RFX3: variants seen among roughly 807,000 people sequenced by gnomAD.
The protein encoded by RFX3 is regulatory factor X3.
Under a neutral mutation model 98.6 loss-of-function variants are expected in RFX3, and 14 were observed. The observed-to-expected ratio is 0.14, with a 90% CI of 0.09 to 0.22. RFX3 has a LOEUF of 0.22. RFX3 is among the 10% of genes least tolerant of loss of function. The probability of loss-of-function intolerance (pLI) is 1.00; values close to 1 mark genes in which losing one functional copy is unlikely to be tolerated. For synonymous variants in RFX3, 383 were observed against 328.4 expected, an observed-to-expected ratio of 1.17 and a Z score of -1.80; for missense variants, 639 against 926.9, an observed-to-expected ratio of 0.69 and a Z score of 4.03.
chr9:3,298,516 C>T lies in RFX3; in HGVS notation c.549+3030G>A, dbSNP rs373180319. ...TATTTAGTGAGTATCTACTATGTAC[C>T]AGGCACTGTTCTAGGCACTAGGGAT... On this transcript the variant is annotated intron_variant, in intron 5 of 16. Transcript: ENST00000617270. 4.0e-5 allele frequency among the ~76,000 whole-genome samples: 6 copies of T among 151,692 alleles called. No homozygotes were observed. The South Asian group carries it at 1.2e-3, about 32-fold the overall frequency.
chr9:3,360,999 C>T (rs1836358218), intron 2 of RFX3, among the ~76,000 whole-genome samples: 1 of 152,148 alleles, frequency 6.6e-6, no homozygotes, highest in South Asian at 2.1e-4. Context: ...AAGAGCATTT[C>T]TTACACATTT....
In RFX3 at chr9:3,446,046, C is replaced by G. The variant is rs185419815; in HGVS notation, c.-8-50450G>C. Among the ~76,000 whole-genome samples the G allele has an allele frequency of 3.8e-3, 572 of 152,154 alleles. 1 individual carries two copies. Among genetic ancestry groups the G allele is most frequent in the African/African-American group, 0.012 (510 of 41,510 alleles). ...TTTGTTTCCTGCAAAAACATCTCCT[C>G]AAAGACAGTTACTCATCCCTGTATC... On this transcript the variant is annotated intron_variant, in intron 1 of 16. Coordinates refer to ENST00000617270, the MANE Select transcript of RFX3 (RefSeq NM_001282116.2).
rs1333906205 is a variant in RFX3, at chr9:3,476,938, A to G, written c.-9+48809T>C. ...CCTTGGGCAAGTCACTTTCTTTCTT[A>G]ATTCAATTTTCCCCATCTATAAAAT... On this transcript the variant is annotated intron_variant, in intron 1 of 16. Transcript: ENST00000617270. 2.0e-5 allele frequency among the ~76,000 whole-genome samples: 3 copies of G among 152,168 alleles called. No homozygotes were observed. The South Asian group carries it at 6.2e-4, about 32-fold the overall frequency.
At chr9:3,483,980 G>C (rs1268019022) in intron 1 of RFX3, among the ~76,000 whole-genome samples, 1 of 151,958 alleles carries the variant, frequency 6.6e-6, no homozygotes, top group Non-Finnish European at 1.5e-5. Context: ...AAAATTTTTT[G>C]AATTTTGTGA....
intron 2 of RFX3, among the ~76,000 whole-genome samples, chr9:3,359,517 C>A (rs1333881833): frequency 6.6e-6 from 1 of 152,058 alleles, no homozygotes; most frequent in Non-Finnish European, 1.5e-5. Flanking sequence ...GATGTATACA[C>A]CCAGACACAG....
At chr9:3,460,132 C>T (rs541853561) in intron 1 of RFX3, among the ~76,000 whole-genome samples, 1 of 152,132 alleles carries the variant, frequency 6.6e-6, no homozygotes, top group African/African-American at 2.4e-5. Flanking sequence ...GGCTTACAAC[C>T]CAGCTTAGAT....
intron 3 of RFX3, among the ~76,000 whole-genome samples, chr9:3,337,302 T>G (rs1833303541): frequency 6.6e-6 from 1 of 152,200 alleles, no homozygotes; most frequent in African/African-American, 2.4e-5. Context: ...TATGTCTGAT[T>G]GAACTAGACT....
chr9:3,516,840 C>T (rs951901313), intron 1 of RFX3, among the ~76,000 whole-genome samples: 35 of 152,144 alleles, frequency 2.3e-4, no homozygotes, highest in African/African-American at 8.2e-4. Flanking sequence ...AAATGTCAGA[C>T]ACTTGTCTGG....
chr9:3,454,394 T>G (rs1311558975), intron 1 of RFX3, among the ~76,000 whole-genome samples: 1 of 152,216 alleles, frequency 6.6e-6, no homozygotes, highest in Non-Finnish European at 1.5e-5. Context: ...TTTTTTATAC[T>G]TTCTAATTCT....
intron 6 of RFX3, among the ~76,000 whole-genome samples, chr9:3,289,450 G>A (rs1442432134): frequency 2.0e-5 from 3 of 152,028 alleles, no homozygotes; most frequent in Non-Finnish European, 4.4e-5. Flanking sequence ...AAAATCCACT[G>A]CAGAATGGTG....
intron 7 of RFX3, among the ~76,000 whole-genome samples, chr9:3,283,870 T>C (rs954442426): frequency 1.3e-5 from 2 of 151,690 alleles, no homozygotes; most frequent in African/African-American, 4.8e-5. Context: ...GTATTTCTGT[T>C]TGGGTTATCT....
At chr9:3,239,119 A>G (rs898540899) in intron 15 of RFX3, among the ~76,000 whole-genome samples, 2 of 152,202 alleles carry the variant, frequency 1.3e-5, no homozygotes, top group Non-Finnish European at 2.9e-5. Context: ...AGGAGTCCAG[A>G]GCATTATTAT....
chr9:3,298,322 A>C (rs1432399937), intron 5 of RFX3, among the ~76,000 whole-genome samples: 1 of 151,876 alleles, frequency 6.6e-6, no homozygotes, highest in Admixed American at 6.6e-5. Flanking sequence ...CCAGAAGAAG[A>C]CCACCCTTTA....
chr9:3,443,513 T>C (rs1564107495), intron 1 of RFX3, among the ~76,000 whole-genome samples: 1 of 152,216 alleles, frequency 6.6e-6, no homozygotes, highest in Non-Finnish European at 1.5e-5. Context: ...ACTCCATTCA[T>C]GTCCCTGTAA....
chr9:3,494,375 A>T (rs1850958898), intron 1 of RFX3, among the ~76,000 whole-genome samples: 1 of 152,006 alleles, frequency 6.6e-6, no homozygotes, highest in Non-Finnish European at 1.5e-5. Flanking sequence ...CCAGTCATGT[A>T]CTGATAAATG....
At chr9:3,233,546 G>C (rs1465599072) in intron 15 of RFX3, among the ~76,000 whole-genome samples, 1 of 152,162 alleles carries the variant, frequency 6.6e-6, no homozygotes, top group Non-Finnish European at 1.5e-5. Flanking sequence ...TGGGGGCCAA[G>C]AAACAGAGAC....
In RFX3 at chr9:3,288,253, T is replaced by A; in HGVS notation, c.732-3A>T. The A allele has an allele frequency of 1.2e-6, 2 of 1,611,518 alleles. No homozygotes were observed. Among genetic ancestry groups the A allele is most frequent in the Non-Finnish European group, 1.7e-6 (2 of 1,178,082 alleles). On this transcript the variant is annotated splice_polypyrimidine_tract_variant and splice_region_variant and intron_variant, in intron 6 of 16. Coordinates refer to ENST00000617270, the MANE Select transcript of RFX3 (RefSeq NM_001282116.2). Reference sequence around the variant, plus strand: ...AGTAGTGGTATTTGGAGTTTCCTCTTCATTAATGAACAAGAAACATTAGAA... The same window carrying A: ...AGTAGTGGTATTTGGAGTTTCCTCTACATTAATGAACAAGAAACATTAGAA...
chr9:3,386,870 A>C (rs556826951), intron 2 of RFX3, among the ~76,000 whole-genome samples: 20 of 152,222 alleles, frequency 1.3e-4, no homozygotes, highest in African/African-American at 4.6e-4. Context: ...AAATAAGTCA[A>C]CTGAGTAGGA....
chr9:3,441,737 G>C (rs1845628085), intron 1 of RFX3, among the ~76,000 whole-genome samples: 1 of 151,932 alleles, frequency 6.6e-6, no homozygotes, highest in African/African-American at 2.4e-5. Context: ...GGAGAGAAGA[G>C]ATAAATATTT....
Sources: gnomAD v4.1 joint callset for allele counts (sites outside exome capture counted in the v4.1 genomes callset) on GRCh38, gnomAD v4.1.1 for gene constraint, MANE v1.5 for transcripts, NCBI Gene and HGNC (gene_info 2026-07-23, HGNC 2026-07-21) for gene names.